DAPK3: variants seen among roughly 807,000 people sequenced by gnomAD.
DAPK3 encodes the protein death associated protein kinase 3, also known as death-associated protein kinase 3.
In DAPK3, 24 loss-of-function variants were observed where a neutral mutation model predicts 30.6. That is an observed-to-expected ratio of 0.78 (90% CI 0.57 to 1.10). DAPK3 has a LOEUF of 1.10. DAPK3 is among the 50% of genes least tolerant of loss of function. DAPK3 has a pLI of 0.00. For synonymous variants in DAPK3, 341 were observed against 284.0 expected (o/e 1.20, Z -2.02); for missense variants, 629 against 657.3 (o/e 0.96, Z 0.47).
At chr19:3,959,995 C>T (rs950377722) in intron 8 of DAPK3, 64 bp downstream of exon 8, 1 of 922,746 alleles carries the variant, frequency 1.1e-6, no homozygotes, top group African/African-American at 1.6e-5. Context: ...CTGAAGGCCC[C>T]CCGGGACCCC....
rs768976385 is a variant in DAPK3, at chr19:3,964,332, T to C, written c.465A>G (p.Pro155=). The change falls in exon 4 of 9, where the codon CCA becomes CCG. Residue 155 remains proline (P), a synonymous_variant. Transcript: ENST00000545797. ...TGCCGAAGTCGATGAGCTTGATTCG[T>C]GGGTTGGGCACGTTCTTGTCCAGCA... The part of the protein sequence containing the change: ...IMLLDKNVPN[P]RIKLIDFGIA... The C allele has an allele frequency of 5.0e-6, 8 of 1,613,392 alleles. No homozygotes were observed. The highest frequency in any genetic ancestry group is 5.9e-6 in the Non-Finnish European group (7 of 1,179,384).
rs758239056 is a variant in DAPK3, at chr19:3,959,206, G to C, written c.1260C>G (p.Tyr420Ter). 1 of 1,600,332 alleles carries C rather than the reference G, an allele frequency of 6.2e-7. No individual in the cohort carries two copies. The highest frequency in any genetic ancestry group is 1.3e-5 in the African/African-American group (1 of 74,932). ...KRRFSRLENRYEALAKQVASE... is the reference protein window; with the variant it reads ...KRRFSRLENR ...AGGCTACTTGCTTGGCCAGCGCCTCGTAGCGGTTCTCCAGGCGGCTGAAGC... is the reference window on the plus strand; with the variant it reads ...AGGCTACTTGCTTGGCCAGCGCCTCCTAGCGGTTCTCCAGGCGGCTGAAGC... Residue 420 changes from tyrosine to a stop codon, truncating the protein, a stop_gained, in exon 9 of 9, where the codon TAC becomes TAG. Coordinates refer to ENST00000545797, the MANE Select transcript of DAPK3 (RefSeq NM_001348.3). LOFTEE classifies it low-confidence loss of function (END_TRUNC).
In DAPK3 at chr19:3,960,106, TG is replaced by T; in HGVS notation, c.783-3del. ...CTCTGGGCAATGGTCATTCTCCGCC[TG>T]GAAGACCCCCGCTCTGGTTAGGTAC... On this transcript the variant is annotated splice_polypyrimidine_tract_variant and splice_region_variant and intron_variant, in intron 7 of 8. Transcript: ENST00000545797. The T allele has an allele frequency of 6.5e-7, 1 of 1,535,768 alleles. No individual in the cohort carries two copies.
chr19:3,970,548 C>T (rs1333118546), intron 1 of DAPK3: 2 of 152,772 alleles, frequency 1.3e-5, no homozygotes, highest in Non-Finnish European at 1.5e-5. Context: ...CCGGACGACG[C>T]CTTCCACGCT....
chr19:3,969,020 T>C (rs973537060), intron 2 of DAPK3, among the ~76,000 whole-genome samples: 17 of 152,188 alleles, frequency 1.1e-4, no homozygotes, highest in Admixed American at 2.0e-4. Flanking sequence ...TGTTAAACAA[T>C]TGACCGAGGT....
intron 3 of DAPK3, 110 bp downstream of exon 3, chr19:3,964,521 G>T: frequency 1.6e-6 from 1 of 634,150 alleles, no homozygotes; most frequent in Non-Finnish European, 2.4e-6. Context: ...TCACCCCCAC[G>T]CTCCCCACAC....
chr19:3,959,991 GC>G, intron 8 of DAPK3, 67 bp downstream of exon 8: 5 of 889,572 alleles, frequency 5.6e-6, no homozygotes, highest in South Asian at 2.6e-5. Context: ...AATGCTGAAG[GC>G]CCCCCGGGAC....
rs1446051318 is a variant in DAPK3, at chr19:3,959,027, G to A, written c.*74C>T. ...GACAGGCACCCGGGCGATGGGAGGC[G>A]CAGCGTCCACAGGAAGCGCCCCCAC... On this transcript the variant is annotated 3_prime_UTR_variant, in exon 9 of 9. Transcript: ENST00000545797. The A allele has an allele frequency of 1.2e-5, 12 of 966,862 alleles. No homozygotes were observed. The highest frequency in any genetic ancestry group is 2.8e-5 in the East Asian group (1 of 35,630). The allele number at this position is 966,862 out of a possible 1,614,324, so 59.9% of individuals were successfully genotyped here.
intron 4 of DAPK3, 141 bp from the exon 5 acceptor site, chr19:3,964,060 G>C: frequency 1.2e-6 from 1 of 800,884 alleles, no homozygotes; most frequent in Non-Finnish European, 2.1e-6. Flanking sequence ...CTCAGGGCCT[G>C]ACGGGTAGGA....
intron 2 of DAPK3, among the ~76,000 whole-genome samples, chr19:3,967,855 C>G (rs1030108852): frequency 2.0e-5 from 3 of 152,350 alleles, no homozygotes; most frequent in Non-Finnish European, 4.4e-5. Flanking sequence ...GCCGTCAGAA[C>G]AGCAGACACT....
intron 7 of DAPK3, among the ~76,000 whole-genome samples, chr19:3,960,735 C>G (rs566108079): frequency 6.7e-6 from 1 of 149,118 alleles, no homozygotes; most frequent in East Asian, 2.0e-4. Context: ...GCCGAGATCA[C>G]GCCACTGCAC....
Position 3,963,905 on chromosome 19 carries a change from TCA to T in DAPK3, c.566_567del (p.Val189GlufsTer3). On this transcript the variant is annotated frameshift_variant, in exon 5 of 9. Transcript: ENST00000545797. LOFTEE classifies it high-confidence loss of function. The stretch of plus-strand genomic sequence containing the variant: ...GCCTCCAGGCCCAGCGGCTCATAGT[TCA>T]CAATCTCTGGGGCTGCAGAACAGGG... ...GTPEFVAPEI[V>X]NYEPLGLEAD... 6.2e-7 allele frequency: 1 copy of T among 1,604,044 alleles called. No homozygotes were observed. The highest frequency in any genetic ancestry group is 8.5e-7 in the Non-Finnish European group (1 of 1,172,098).
At chr19:3,963,078 C>A (rs757187783) in intron 6 of DAPK3, among the ~76,000 whole-genome samples, 14 of 150,124 alleles carry the variant, frequency 9.3e-5, no homozygotes, top group Non-Finnish European at 1.9e-4. Flanking sequence ...GCACTCCAAC[C>A]TGGACAACAA....
At chr19:3,966,704 C>T (rs1363731683) in intron 2 of DAPK3, among the ~76,000 whole-genome samples, 1 of 152,208 alleles carries the variant, frequency 6.6e-6, no homozygotes, top group African/African-American at 2.4e-5. Context: ...GTCACACCTG[C>T]GGCCGCTGCA....
intron 6 of DAPK3, chr19:3,961,423 G>T: frequency 1.6e-6 from 1 of 616,166 alleles, no homozygotes; most frequent in East Asian, 3.8e-5. Flanking sequence ...CGAAGTATCT[G>T]TGCAGACGCA....
At position 3,966,505 on chromosome 19, in the gene DAPK3, G is replaced by A. The variant is rs142201672; in HGVS notation, c.63-1514C>T. On this transcript the variant is annotated intron_variant, in intron 2 of 8. Transcript: ENST00000545797. ...CTCTGCTGGGCTTGGATCCAGGCTC[G>A]CGGCAGGGGCCACCACGTAGAAGGC... 2.9e-3 allele frequency among the ~76,000 whole-genome samples: 437 copies of A among 152,278 alleles called. 1 individual carries two copies. Among genetic ancestry groups the A allele is most frequent in the African/African-American group, 0.01 (422 of 41,560 alleles).
chr19:3,961,407 G>C, intron 6 of DAPK3: 1 of 649,692 alleles, frequency 1.5e-6, no homozygotes. Context: ...AGTCTCCTTG[G>C]AGACTCGAAG....
chr19:3,960,153 C>A, intron 7 of DAPK3, 49 bp from the exon 8 acceptor site: 2 of 1,090,314 alleles, frequency 1.8e-6, no homozygotes, highest in Non-Finnish European at 2.8e-6. Context: ...TCTGTCCCGT[C>A]CTCCCGTGAA....
At chr19:3,970,673 C>G (rs980924554) in intron 1 of DAPK3, 1 of 153,266 alleles carries the variant, frequency 6.5e-6, no homozygotes, top group Non-Finnish European at 1.5e-5. Context: ...CCCCTACCCC[C>G]CAAAACGGGC....
Sources: gnomAD v4.1 joint callset for allele counts (sites outside exome capture counted in the v4.1 genomes callset) on GRCh38, gnomAD v4.1.1 for gene constraint, MANE v1.5 for transcripts, NCBI Gene and HGNC (gene_info 2026-07-23, HGNC 2026-07-21) for gene names.